Variants in OR51B5 observed in about 807,000 individuals in gnomAD.
OR51B5 encodes the protein olfactory receptor 51B5.
For synonymous variants in OR51B5, 186 were observed against 144.8 expected (o/e 1.28, Z -2.04); for missense variants, 456 against 374.6 (o/e 1.22, Z -1.79).
intron 1 of OR51B5, among the ~76,000 whole-genome samples, chr11:5,419,307 A>G (rs543659579): frequency 2.1e-3 from 318 of 152,334 alleles, no homozygotes; most frequent in Middle Eastern, 6.8e-3. Context: ...TATCAGGCAC[A>G]CCTAGAGAAA....
intron 1 of OR51B5, among the ~76,000 whole-genome samples, chr11:5,359,581 T>C (rs372171249): frequency 9.7e-5 from 14 of 144,882 alleles, no homozygotes; most frequent in East Asian, 1.9e-4. Context: ...AGGTAATTTA[T>C]AGATTCAATG....
intron 1 of OR51B5, among the ~76,000 whole-genome samples, chr11:5,491,987 T>C (rs1851587724): frequency 6.6e-6 from 1 of 152,204 alleles, no homozygotes; most frequent in South Asian, 2.1e-4. Flanking sequence ...CATAAATCAG[T>C]GCAACTGCCA....
intron 1 of OR51B5, chr11:5,389,431 C>T (rs1367075906): frequency 1.9e-6 from 3 of 1,613,906 alleles, no homozygotes; most frequent in East Asian, 4.5e-5. Flanking sequence ...GTCCTCAATT[C>T]ATGCTGCTAT....
intron 1 of OR51B5, chr11:5,389,560 T>C (rs759292809): frequency 3.7e-6 from 6 of 1,613,972 alleles, no homozygotes; most frequent in South Asian, 2.2e-5. Flanking sequence ...TCTCAGGCAA[T>C]TGTTTCATTC....
At chr11:5,398,950 A>G (rs1302021222) in intron 1 of OR51B5, among the ~76,000 whole-genome samples, 1 of 152,134 alleles carries the variant, frequency 6.6e-6, no homozygotes, top group Non-Finnish European at 1.5e-5. Context: ...TACAATCCCC[A>G]AGCCCTGCCT....
intron 1 of OR51B5, chr11:5,402,759 G>C: frequency 2.1e-6 from 1 of 471,450 alleles, no homozygotes; most frequent in Non-Finnish European, 4.4e-6. Context: ...CATCAGAACA[G>C]ATATTGCCCT....
upstream of OR51B5, among the ~76,000 whole-genome samples, chr11:5,343,970 CA>C (rs1848949373): frequency 6.6e-6 from 1 of 152,230 alleles, no homozygotes; most frequent in Non-Finnish European, 1.5e-5. Flanking sequence ...CCCTAATCCA[CA>C]TTTTCCTGCA....
At chr11:5,351,761 T>G (rs769871845) in intron 1 of OR51B5, 6 of 1,614,024 alleles carry the variant, frequency 3.7e-6, no homozygotes, top group Non-Finnish European at 5.1e-6. Context: ...GTTCTGTGGT[T>G]AGATCACAGG....
At chr11:5,345,980 T>A (rs1287562409), upstream of OR51B5, 1 of 151,992 alleles carries the variant, frequency 6.6e-6, no homozygotes, top group African/African-American at 2.4e-5. Context: ...GACGCAAAGA[T>A]AATCCAGCTT....
intron 1 of OR51B5, among the ~76,000 whole-genome samples, chr11:5,364,597 G>A (rs7930870): frequency 2.3e-4 from 19 of 82,460 alleles, no homozygotes; most frequent in African/African-American, 4.6e-4. Flanking sequence ...TAAACTAAGC[G>A]TGAGAGGTAT....
At chr11:5,367,512 A>G (rs145685996) in intron 1 of OR51B5, among the ~76,000 whole-genome samples, 502 of 152,254 alleles carry the variant, frequency 3.3e-3, no homozygotes, top group African/African-American at 0.011. Flanking sequence ...CTAAACAGTC[A>G]TAGTGCTGGT....
chr11:5,448,368 C>T (rs888665656), intron 1 of OR51B5, among the ~76,000 whole-genome samples: 2 of 152,114 alleles, frequency 1.3e-5, no homozygotes, highest in African/African-American at 4.8e-5. Context: ...CCTTTCTGCT[C>T]TGATAGCAAC....
chr11:5,410,658 G>A (rs117699168), intron 1 of OR51B5, among the ~76,000 whole-genome samples: 2,111 of 152,166 alleles, frequency 0.014, 21 homozygotes, highest in Middle Eastern at 0.044. Context: ...TCCTTCAGGA[G>A]GTATTCAAGA....
intron 1 of OR51B5, among the ~76,000 whole-genome samples, chr11:5,473,931 G>A (rs1160898684): frequency 6.6e-6 from 1 of 151,770 alleles, no homozygotes; most frequent in Non-Finnish European, 1.5e-5. Context: ...AGTACCTGTA[G>A]TTACTAGGAA....
At chr11:5,365,362 G>C (rs1014077929) in intron 1 of OR51B5, among the ~76,000 whole-genome samples, 1 of 152,142 alleles carries the variant, frequency 6.6e-6, no homozygotes, top group Non-Finnish European at 1.5e-5. Context: ...CCAATGCATG[G>C]CTGGTCCCGG....
At chr11:5,342,659 G>A (rs374336815) in exon 1 of OR51B5, 3 of 1,613,598 alleles carry the variant, frequency 1.9e-6, no homozygotes, top group Non-Finnish European at 1.7e-6. Flanking sequence ...GACACTATAT[G>A]TTATAGGATT....
At chr11:5,398,843 C>T (rs949013322) in intron 1 of OR51B5, among the ~76,000 whole-genome samples, 2 of 152,150 alleles carry the variant, frequency 1.3e-5, no homozygotes, top group African/African-American at 4.8e-5. Context: ...CCTGAGGCCT[C>T]CCCAGCTATG....
At chr11:5,379,750 AT>A (rs1849582062) in intron 1 of OR51B5, among the ~76,000 whole-genome samples, 1 of 152,246 alleles carries the variant, frequency 6.6e-6, no homozygotes, top group South Asian at 2.1e-4. Flanking sequence ...CGTTTAATCC[AT>A]TTTTTGTTTC....
At position 5,364,868 on chromosome 11, in the gene OR51B5, T is replaced by C. The variant is rs116593454; in HGVS notation, n.85-17958A>G. ...CTAAGTTTCTATTGGTGAATTTCCATTTAATATAGTTTTATTAAATGATTT... is the reference window on the plus strand; with the variant it reads ...CTAAGTTTCTATTGGTGAATTTCCACTTAATATAGTTTTATTAAATGATTT... On this transcript the variant is annotated intron_variant and non_coding_transcript_variant, in intron 1 of 4. Transcript: ENST00000415970. Among the ~76,000 whole-genome samples, 595 of 152,344 alleles carry C rather than the reference T, an allele frequency of 3.9e-3. 2 individuals are homozygous for C. The highest frequency in any genetic ancestry group is 0.01 in the African/African-American group (425 of 41,576).
Sources: allele counts gnomAD v4.1 joint callset (sites outside exome capture counted in the v4.1 genomes callset), GRCh38; gene constraint gnomAD v4.1.1; transcripts MANE v1.5; gene names NCBI Gene and HGNC (gene_info 2026-07-23, HGNC 2026-07-21).